CDK12: variants seen among roughly 807,000 people sequenced by gnomAD.
CDK12 encodes the protein cyclin dependent kinase 12, also known as cyclin-dependent kinase 12.
Under a neutral mutation model 133.8 loss-of-function variants are expected in CDK12, and 17 were observed. That is an observed-to-expected ratio of 0.13 (90% confidence interval 0.09 to 0.19). The LOEUF is 0.19. Among genes scored for constraint, CDK12 ranks in the 10% least tolerant of loss-of-function variants. CDK12 has a pLI of 1.00. For missense variants in CDK12, 1,508 were observed against 1,818.7 expected (o/e 0.83, Z 3.11); for synonymous variants, 694 against 683.6 (o/e 1.02, Z -0.24).
intron 6 of CDK12, among the ~76,000 whole-genome samples, chr17:39,502,908 G>A (rs1415293597): frequency 6.6e-6 from 1 of 151,896 alleles, no homozygotes; most frequent in Non-Finnish European, 1.5e-5. Flanking sequence ...AGATGAAGCT[G>A]GATAGTTACA....
downstream of CDK12, among the ~76,000 whole-genome samples, chr17:39,536,013 A>G (rs1040137789): frequency 1.3e-5 from 2 of 152,152 alleles, no homozygotes; most frequent in African/African-American, 4.8e-5. Flanking sequence ...TTTACTGTCC[A>G]GGTGTGACAG....
chr17:39,504,608 G>A (rs763369512), intron 6 of CDK12, among the ~76,000 whole-genome samples: 2 of 152,066 alleles, frequency 1.3e-5, no homozygotes, highest in Non-Finnish European at 2.9e-5. Flanking sequence ...GGCCAACGTG[G>A]TGGCTCACAT....
At chr17:39,528,328 A>T in intron 13 of CDK12, among the ~76,000 whole-genome samples, 1 of 150,748 alleles carries the variant, frequency 6.6e-6, no homozygotes, top group East Asian at 2.0e-4. Flanking sequence ...TTACTTTAAT[A>T]AGTTTTTTTG....
chr17:39,507,778 A>G (rs754512236), intron 6 of CDK12, among the ~76,000 whole-genome samples: 33 of 152,158 alleles, frequency 2.2e-4, no homozygotes, highest in Non-Finnish European at 3.8e-4. Context: ...AAGGATGCCA[A>G]GTAATTTGAG....
In CDK12 at chr17:39,509,019, G is replaced by T. The variant is rs1190580363; in HGVS notation, c.2610-686G>T. On this transcript the variant is annotated intron_variant, in intron 6 of 13. Coordinates refer to ENST00000447079, the MANE Select transcript of CDK12 (RefSeq NM_016507.4). ...TCTCAAAAAAAAAAAAAAAAAATCA[G>T]CAGAGTGAAACATGGTTGGGATCTC... 3.4e-5 allele frequency among the ~76,000 whole-genome samples: 4 copies of T among 117,196 alleles called. No individual in the cohort carries two copies. The East Asian group carries it at 7.5e-4, about 22-fold the overall frequency. 76.9% of individuals were successfully genotyped at this position (117,196 alleles called of 152,430 possible). A position where few individuals can be genotyped will look rare whatever the true frequency, so the allele number is the denominator to read the frequency against.
rs1172831910 is a variant in CDK12, at chr17:39,466,596, C to T, written c.1046+3479C>T. 4.3e-5 allele frequency among the ~76,000 whole-genome samples: 4 copies of T among 92,890 alleles called. No individual in the cohort carries two copies. The Admixed American group carries it at 7.1e-4, about 16-fold the overall frequency. The allele number at this position is 92,890 out of a possible 152,430, so 60.9% of individuals were successfully genotyped here. A position where few individuals can be genotyped will look rare whatever the true frequency, so the allele number is the denominator to read the frequency against. ...AATAATTGCACTCCATCCTGGGCAACAAGAGTGAAACTCTATCTGAAAAAA... is the reference window on the plus strand; with the variant it reads ...AATAATTGCACTCCATCCTGGGCAATAAGAGTGAAACTCTATCTGAAAAAA... On this transcript the variant is annotated intron_variant, in intron 1 of 13. Coordinates refer to ENST00000447079, the MANE Select transcript of CDK12 (RefSeq NM_016507.4).
At chr17:39,480,150 C>T (rs113721919) in intron 2 of CDK12, among the ~76,000 whole-genome samples, 95 of 152,044 alleles carry the variant, frequency 6.2e-4, no homozygotes, top group Non-Finnish European at 1.0e-3. Flanking sequence ...TTGCAATCTC[C>T]TGACTTCATG....
intron 11 of CDK12, among the ~76,000 whole-genome samples, 170 bp downstream of exon 11, chr17:39,520,257 T>C (rs2054082761): frequency 6.6e-6 from 1 of 152,210 alleles, no homozygotes. Context: ...TTTTTCTTTA[T>C]ATAAGTAATA....
chr17:39,475,926 G>A lies in CDK12; in HGVS notation c.1931+4163G>A, dbSNP rs111797152. Among the ~76,000 whole-genome samples, 451 of 152,116 alleles carry A rather than the reference G, an allele frequency of 3.0e-3. 2 individuals carry two copies. The highest frequency in any genetic ancestry group is 0.01 in the African/African-American group (435 of 41,536). On this transcript the variant is annotated intron_variant, in intron 2 of 13. Coordinates refer to ENST00000447079, the MANE Select transcript of CDK12 (RefSeq NM_016507.4). ...AAAAGCCATAGATAAAAAGATAAAAGCCATATTTTTATAGTTTTTGTTGGA... is the reference window on the plus strand; with the variant it reads ...AAAAGCCATAGATAAAAAGATAAAAACCATATTTTTATAGTTTTTGTTGGA...
At chr17:39,506,307 C>T (rs1246192778) in intron 6 of CDK12, among the ~76,000 whole-genome samples, 1 of 151,050 alleles carries the variant, frequency 6.6e-6, no homozygotes, top group African/African-American at 2.4e-5. Context: ...CCTCTGCCTC[C>T]CGGTTCAAGC....
intron 2 of CDK12, among the ~76,000 whole-genome samples, chr17:39,478,991 T>C (rs1213185185): frequency 6.6e-6 from 1 of 152,062 alleles, no homozygotes; most frequent in Non-Finnish European, 1.5e-5. Context: ...GAAAAGTAAT[T>C]TTTACATAGG....
rs58047556 is a variant in CDK12, at chr17:39,481,633, GCTCTCTCTCTCTCTCT to G, written c.1932-8861_1932-8846del. On this transcript the variant is annotated intron_variant, in intron 2 of 13. Coordinates refer to ENST00000447079, the MANE Select transcript of CDK12 (RefSeq NM_016507.4). ...CACTTATGTGCTTGCTCGCTCGCGC[GCTCTCTCTCTCTCTCT>G]CTCTCTCTCTCTCTCTCTCTCTCTC... Among the ~76,000 whole-genome samples the G allele has an allele frequency of 6.7e-3, 117 of 17,592 alleles. 10 individuals carry two copies. Among genetic ancestry groups the G allele is most frequent in the Admixed American group, 0.017 (27 of 1,580 alleles). 11.5% of individuals were successfully genotyped at this position (17,592 alleles called of 152,430 possible). A position where few individuals can be genotyped will look rare whatever the true frequency, so the allele number is the denominator to read the frequency against.
At chr17:39,554,026 G>A (rs998030344) in intron 2 of CDK12, among the ~76,000 whole-genome samples, 4 of 152,196 alleles carry the variant, frequency 2.6e-5, no homozygotes, top group Admixed American at 1.3e-4. Context: ...AAGGATAGGA[G>A]AGGCCAGTTA....
chr17:39,562,902 C>CTTTTTTTTTTTTTTTTTTTTTT (rs59852699), intron 3 of CDK12, among the ~76,000 whole-genome samples: 1 of 92,380 alleles, frequency 1.1e-5, no homozygotes, highest in Non-Finnish European at 2.2e-5. Flanking sequence ...TTTTTCTTTT[C>CTTTTTTTTTTTTTTTTTTTTTT]TTTTTTTTTT....
At chr17:39,542,157 ATATGTG>A (rs2055450938) in intron 1 of CDK12, among the ~76,000 whole-genome samples, 2 of 151,350 alleles carry the variant, frequency 1.3e-5, no homozygotes, top group Non-Finnish European at 2.9e-5. Flanking sequence ...ATACATATAT[ATATGTG>A]TGTGTGTGTG....
chr17:39,500,282 G>C (rs1240931481), intron 5 of CDK12, among the ~76,000 whole-genome samples: 2 of 152,030 alleles, frequency 1.3e-5, no homozygotes, highest in Admixed American at 6.6e-5. Context: ...AGTGAGCCAT[G>C]ATCATGCCAC....
intron 5 of CDK12, among the ~76,000 whole-genome samples, chr17:39,500,330 CAAAA>C (rs956281122): frequency 7.1e-6 from 1 of 141,556 alleles, no homozygotes; most frequent in African/African-American, 2.6e-5. Flanking sequence ...GACGCTGTCT[CAAAA>C]AAAAAAAGAA....
chr17:39,539,838 G>A (rs1873084261), intron 1 of CDK12, among the ~76,000 whole-genome samples: 1 of 152,220 alleles, frequency 6.6e-6, no homozygotes. Context: ...AGAGGAAGGT[G>A]AGCAGTGGGA....
At chr17:39,523,551 G>A (rs2054310449) in intron 11 of CDK12, among the ~76,000 whole-genome samples, 1 of 152,154 alleles carries the variant, frequency 6.6e-6, no homozygotes, top group Admixed American at 6.5e-5. Flanking sequence ...GTCAAATTTT[G>A]GAGGTCATTT....
Sources: allele counts gnomAD v4.1 joint callset (sites outside exome capture counted in the v4.1 genomes callset), GRCh38; gene constraint gnomAD v4.1.1; transcripts MANE v1.5; gene names NCBI Gene and HGNC (gene_info 2026-07-23, HGNC 2026-07-21).